MACROD2: variants seen among roughly 807,000 people sequenced by gnomAD.
The protein encoded by MACROD2 is mono-ADP ribosylhydrolase 2.
Under a neutral mutation model 70.4 loss-of-function variants are expected in MACROD2, and 36 were observed. The ratio of observed to expected loss-of-function variants is 0.51; its 90% CI spans 0.39 to 0.68. The LOEUF is 0.68. Among genes scored for constraint, MACROD2 ranks in the 30% least tolerant of loss-of-function variants. The probability of loss-of-function intolerance (pLI) is 0.00; values close to 1 mark genes in which losing one functional copy is unlikely to be tolerated. For synonymous variants in MACROD2, 172 were observed against 178.8 expected (o/e 0.96, Z 0.30); for missense variants, 496 against 538.4 (o/e 0.92, Z 0.78).
chr20:14,146,018 C>T (rs2054937866), intron 3 of MACROD2, among the ~76,000 whole-genome samples: 1 of 152,154 alleles, frequency 6.6e-6, no homozygotes, highest in South Asian at 2.1e-4. Context: ...ACAGTTTTAT[C>T]CCCTTTAAAG....
At chr20:14,883,945 C>T (rs969561034) in intron 5 of MACROD2, among the ~76,000 whole-genome samples, 2 of 152,102 alleles carry the variant, frequency 1.3e-5, no homozygotes, top group African/African-American at 4.8e-5. Context: ...GATTGGATTC[C>T]CTCCAGTGGT....
intron 5 of MACROD2, among the ~76,000 whole-genome samples, chr20:14,883,714 G>A (rs2073637544): frequency 6.6e-6 from 1 of 152,094 alleles, no homozygotes; most frequent in African/African-American, 2.4e-5. Context: ...TTGATCTGGA[G>A]CCTTATTGAT....
intron 7 of MACROD2, among the ~76,000 whole-genome samples, chr20:15,462,494 C>T (rs572293799): frequency 3.0e-4 from 46 of 152,204 alleles, no homozygotes; most frequent in South Asian, 8.3e-4. Context: ...TTCCAAAGCA[C>T]GTCATGACCT....
intron 4 of MACROD2, chr20:14,627,193 C>A (rs769910121): frequency 1.4e-4 from 21 of 152,152 alleles, no homozygotes; most frequent in Admixed American, 3.3e-4. Context: ...TGTACCACCT[C>A]GATATCCCCT....
At chr20:14,685,607 G>A (rs2070992823) in intron 5 of MACROD2, among the ~76,000 whole-genome samples, 1 of 152,134 alleles carries the variant, frequency 6.6e-6, no homozygotes, top group Non-Finnish European at 1.5e-5. Flanking sequence ...GCATGGTATG[G>A]GATAAAATAC....
In MACROD2 at chr20:14,841,381, A is replaced by T. The variant is rs115870558; in HGVS notation, c.418+156422A>T. Among the ~76,000 whole-genome samples, 821 of 152,282 alleles carry T rather than the reference A, an allele frequency of 5.4e-3. 15 individuals carry two copies. The highest frequency in any genetic ancestry group is 0.018 in the African/African-American group (764 of 41,566). On this transcript the variant is annotated intron_variant, in intron 5 of 17. Transcript: ENST00000684519. Reference sequence around the variant, plus strand: ...CTAATAGAAACTTTCCACTGAGGTGAGGGGCAAGGGGAAACCCCACCGTCT... The same window carrying T: ...CTAATAGAAACTTTCCACTGAGGTGTGGGGCAAGGGGAAACCCCACCGTCT...
intron 6 of MACROD2, among the ~76,000 whole-genome samples, chr20:15,366,295 C>T (rs16995602): frequency 0.021 from 3,215 of 152,212 alleles, 103 homozygotes; most frequent in African/African-American, 0.073. Flanking sequence ...TTCCAAAAGC[C>T]TCTACCATGC....
chr20:16,040,275 A>G (rs1044280475), intron 15 of MACROD2, among the ~76,000 whole-genome samples: 1 of 151,910 alleles, frequency 6.6e-6, no homozygotes, highest in African/African-American at 2.4e-5. Flanking sequence ...AGACATTATA[A>G]ACTGGATCTT....
chr20:14,881,965 T>C (rs1017902492), intron 5 of MACROD2, among the ~76,000 whole-genome samples: 1 of 152,200 alleles, frequency 6.6e-6, no homozygotes, highest in Non-Finnish European at 1.5e-5. Context: ...ACGCATGTTA[T>C]CTTCACAGCA....
At chr20:15,675,668 T>C (rs1204312074) in intron 8 of MACROD2, among the ~76,000 whole-genome samples, 1 of 152,186 alleles carries the variant, frequency 6.6e-6, no homozygotes, top group Admixed American at 6.5e-5. Flanking sequence ...ATGCAGTATA[T>C]GACTAAGGCA....
intron 2 of MACROD2, among the ~76,000 whole-genome samples, chr20:14,016,207 A>C (rs2052989397): frequency 6.6e-6 from 1 of 152,200 alleles, no homozygotes. Flanking sequence ...ATAGATGCTT[A>C]TTGGCCATGT....
chr20:15,156,791 G>A (rs1201466258), intron 5 of MACROD2, among the ~76,000 whole-genome samples: 2 of 152,122 alleles, frequency 1.3e-5, no homozygotes, highest in African/African-American at 2.4e-5. Flanking sequence ...CTTCCTCTTA[G>A]CAGACCCTCA....
chr20:15,149,161 G>A (rs926824136), intron 5 of MACROD2, among the ~76,000 whole-genome samples: 4 of 151,988 alleles, frequency 2.6e-5, no homozygotes, highest in African/African-American at 7.3e-5. Flanking sequence ...CCTTGAGCTT[G>A]GTGTGTAGGG....
intron 3 of MACROD2, among the ~76,000 whole-genome samples, chr20:14,141,130 A>G (rs1039240205): frequency 4.6e-5 from 7 of 152,176 alleles, no homozygotes; most frequent in African/African-American, 1.7e-4. Flanking sequence ...TCCAGTGGCA[A>G]TGGAATTTTA....
At chr20:15,854,475 G>T (rs1490553129) in intron 8 of MACROD2, among the ~76,000 whole-genome samples, 7 of 152,152 alleles carry the variant, frequency 4.6e-5, no homozygotes, top group Admixed American at 4.6e-4. Context: ...CCAAGCCTGA[G>T]GTGAGGACTC....
intron 3 of MACROD2, among the ~76,000 whole-genome samples, chr20:14,183,007 G>A (rs2081316803): frequency 6.7e-6 from 1 of 149,818 alleles, no homozygotes; most frequent in Admixed American, 6.6e-5. Context: ...TGGTGTGAGT[G>A]CAGTTTGTTG....
intron 3 of MACROD2, among the ~76,000 whole-genome samples, chr20:14,238,695 C>T (rs1051302411): frequency 1.3e-5 from 2 of 152,148 alleles, no homozygotes; most frequent in Admixed American, 6.5e-5. Flanking sequence ...AGCTGATAAA[C>T]GACTTCAGCA....
At chr20:15,251,810 C>T (rs146637028) in intron 6 of MACROD2, among the ~76,000 whole-genome samples, 94 of 152,106 alleles carry the variant, frequency 6.2e-4, no homozygotes, top group African/African-American at 2.0e-3. Context: ...GAGAAAGTTC[C>T]GGGTAACAAC....
chr20:15,721,664 CAT>C (rs1381155451), intron 8 of MACROD2, among the ~76,000 whole-genome samples: 4 of 152,038 alleles, frequency 2.6e-5, no homozygotes, highest in Admixed American at 6.6e-5. Context: ...TTTTATAACA[CAT>C]ATTTTAGGGA....
Sources: allele counts gnomAD v4.1 joint callset (sites outside exome capture counted in the v4.1 genomes callset), GRCh38; gene constraint gnomAD v4.1.1; transcripts MANE v1.5; gene names NCBI Gene and HGNC (gene_info 2026-07-23, HGNC 2026-07-21).